Variants in FRAS1 observed in about 807,000 individuals in gnomAD.
FRAS1 encodes Fraser extracellular matrix complex subunit 1, also known as extracellular matrix organizing protein FRAS1.
FRAS1 carries 290 observed loss-of-function variants against 435.2 expected under a neutral mutation model. That is an observed-to-expected ratio of 0.67 (90% confidence interval 0.61 to 0.73). The LOEUF is 0.73. FRAS1 is among the 30% of genes least tolerant of loss of function. The pLI is 0.00. For synonymous variants in FRAS1, 1,800 were observed against 1,851.0 expected, an observed-to-expected ratio of 0.97 and a Z score of 0.71; for missense variants, 4,860 against 5,001.5, an observed-to-expected ratio of 0.97 and a Z score of 0.85.
intron 2 of FRAS1, among the ~76,000 whole-genome samples, chr4:78,116,960 G>A (rs1446981508): frequency 2.0e-5 from 3 of 152,170 alleles, no homozygotes; most frequent in South Asian, 4.1e-4. Flanking sequence ...TTTTTGCAGT[G>A]GGTCTTACCA....
intron 64 of FRAS1, 127 bp downstream of exon 64, chr4:78,511,633 T>A: frequency 1.3e-6 from 1 of 788,772 alleles, no homozygotes; most frequent in Non-Finnish European, 2.2e-6. Context: ...AATGCATCAG[T>A]AAAAGTTTAA....
intron 9 of FRAS1, among the ~76,000 whole-genome samples, chr4:78,275,675 A>G (rs551388293): frequency 3.9e-5 from 6 of 152,326 alleles, no homozygotes; most frequent in African/African-American, 7.2e-5. Flanking sequence ...AGTTTCTGCC[A>G]AGAGATCAGC....
At position 78,477,952 on chromosome 4, in the gene FRAS1, G is replaced by A. The variant is rs373264111; in HGVS notation, c.7989G>A (p.Ala2663=). The A allele has an allele frequency of 5.9e-5, 95 of 1,613,480 alleles. 1 individual carries two copies. In the African/African-American group the frequency reaches 6.9e-4, roughly 12 times the overall value. ...CCCTGTTAGGGGAATTCACCCAGGC[G>A]AAGGTCATTATCAACGATACCGAGG... is the stretch of plus-strand genomic sequence containing the variant. ...AYALLGEFTQ[A]KVIINDTEDE... The change falls in exon 55 of 74, where the codon GCG becomes GCA. Residue 2663 remains alanine (A), a synonymous_variant. Coordinates refer to ENST00000512123, the MANE Select transcript of FRAS1 (RefSeq NM_025074.7).
intron 33 of FRAS1, 120 bp downstream of exon 33, chr4:78,419,183 G>A: frequency 1.8e-6 from 1 of 567,364 alleles, no homozygotes; most frequent in Non-Finnish European, 3.0e-6. Context: ...GAGGTTTCAA[G>A]GAATAATGAT....
At chr4:78,143,998 A>T (rs934301867) in intron 2 of FRAS1, among the ~76,000 whole-genome samples, 1 of 151,870 alleles carries the variant, frequency 6.6e-6, no homozygotes, top group East Asian at 1.9e-4. Flanking sequence ...TACTTAAAAA[A>T]TTTCCAAATA....
intron 2 of FRAS1, among the ~76,000 whole-genome samples, chr4:78,220,184 A>C (rs1723990349): frequency 6.6e-6 from 1 of 152,214 alleles, no homozygotes; most frequent in African/African-American, 2.4e-5. Context: ...TTGTTGATTC[A>C]CATTTTCTTC....
chr4:78,464,639 C>T, intron 49 of FRAS1, 56 bp downstream of exon 49: 4 of 1,591,286 alleles, frequency 2.5e-6, no homozygotes, highest in Non-Finnish European at 3.4e-6. Flanking sequence ...GACCTGGTGG[C>T]AGCTATCACG....
chr4:78,388,437 A>G lies in FRAS1; in HGVS notation c.3975+736A>G, dbSNP rs528727879. Among the ~76,000 whole-genome samples, 11 of 152,216 alleles carry G rather than the reference A, an allele frequency of 7.2e-5. No homozygotes were observed. The South Asian group carries it at 2.1e-3, about 29-fold the overall frequency. Reference sequence around the variant, plus strand: ...TGAGTTCAGCCATTCTGTTAGCTCAACTAAAGTAGGATGAGCAAACTCTTT... The same window carrying G: ...TGAGTTCAGCCATTCTGTTAGCTCAGCTAAAGTAGGATGAGCAAACTCTTT... On this transcript the variant is annotated intron_variant, in intron 29 of 73. Coordinates refer to ENST00000512123, the MANE Select transcript of FRAS1 (RefSeq NM_025074.7).
chr4:78,408,879 C>G (rs1476221389), intron 31 of FRAS1, among the ~76,000 whole-genome samples: 1 of 151,996 alleles, frequency 6.6e-6, no homozygotes, highest in East Asian at 1.9e-4. Flanking sequence ...ATCTCAACAC[C>G]TCGGGAGGCC....
intron 19 of FRAS1, among the ~76,000 whole-genome samples, chr4:78,337,468 T>C (rs1196601773): frequency 1.3e-5 from 2 of 152,198 alleles, no homozygotes; most frequent in Non-Finnish European, 2.9e-5. Context: ...AGATTCCATA[T>C]TGTGTTCATG....
intron 71 of FRAS1, among the ~76,000 whole-genome samples, chr4:78,535,674 G>A (rs1721859961): frequency 6.6e-6 from 1 of 152,086 alleles, no homozygotes; most frequent in African/African-American, 2.4e-5. Context: ...TATATTTTAG[G>A]TGCCTATCTC....
chr4:78,501,112 C>T (rs926998623), intron 61 of FRAS1, among the ~76,000 whole-genome samples: 1 of 152,138 alleles, frequency 6.6e-6, no homozygotes. Context: ...GCTATCCCTC[C>T]CCCAGCCCTT....
intron 2 of FRAS1, among the ~76,000 whole-genome samples, chr4:78,198,646 A>G (rs1417304894): frequency 6.6e-6 from 1 of 152,222 alleles, no homozygotes; most frequent in African/African-American, 2.4e-5. Flanking sequence ...CCCTTGAACA[A>G]CATGGGTTTC....
At chr4:78,505,779 G>A (rs1720818736) in intron 61 of FRAS1, among the ~76,000 whole-genome samples, 1 of 152,160 alleles carries the variant, frequency 6.6e-6, no homozygotes, top group Admixed American at 6.5e-5. Context: ...TTGCTGGTGA[G>A]GAGCTGCGAT....
At chr4:78,429,046 C>CTGAGTGTG (rs1734108907) in intron 35 of FRAS1, 49 bp from the exon 36 acceptor site, 7 of 1,393,098 alleles carry the variant, frequency 5.0e-6, no homozygotes, top group South Asian at 1.3e-5. Flanking sequence ...GTGCGTGTCT[C>CTGAGTGTG]TGTGTGTGTG....
intron 18 of FRAS1, among the ~76,000 whole-genome samples, chr4:78,319,199 C>T (rs1190795629): frequency 4.6e-5 from 7 of 152,192 alleles, no homozygotes; most frequent in African/African-American, 1.7e-4. Context: ...AGAGCTAATC[C>T]CTTCCACTCC....
At chr4:78,340,723 T>C (rs1490149265) in intron 20 of FRAS1, among the ~76,000 whole-genome samples, 1 of 152,152 alleles carries the variant, frequency 6.6e-6, no homozygotes, top group African/African-American at 2.4e-5. Context: ...AAGTCCAAGA[T>C]CAAGGTGCCC....
At chr4:78,197,375 G>A (rs1300617560) in intron 2 of FRAS1, among the ~76,000 whole-genome samples, 1 of 152,174 alleles carries the variant, frequency 6.6e-6, no homozygotes, top group Non-Finnish European at 1.5e-5. Flanking sequence ...GTTTATTCAT[G>A]TAAATGACTG....
chr4:78,333,796 GAGAGAGAGAGAGAC>G (rs986331781), intron 19 of FRAS1, among the ~76,000 whole-genome samples: 4 of 151,764 alleles, frequency 2.6e-5, no homozygotes, highest in African/African-American at 9.7e-5. Context: ...ATGGCTTAAA[GAGAGAGAGAGAGAC>G]AGAGAGAGAG....
Sources: allele counts gnomAD v4.1 joint callset (sites outside exome capture counted in the v4.1 genomes callset), GRCh38; gene constraint gnomAD v4.1.1; transcripts MANE v1.5; gene names NCBI Gene and HGNC (gene_info 2026-07-23, HGNC 2026-07-21).